CFAP53: variants seen among roughly 807,000 people sequenced by gnomAD.
CFAP53 encodes cilia and flagella associated protein 53.
CFAP53 carries 62 observed loss-of-function variants against 59.7 expected under a neutral mutation model. That is an observed-to-expected ratio of 1.04 (90% CI 0.85 to 1.28). The LOEUF (loss-of-function observed/expected upper bound fraction) is 1.28. Ranked by LOEUF, CFAP53 falls within the 50% of genes most tolerant of loss-of-function variation. The pLI, the probability that CFAP53 is intolerant of heterozygous loss-of-function variation, is 0.00. For missense variants in CFAP53, 629 were observed against 615.6 expected (o/e 1.02, Z -0.23); for synonymous variants, 218 against 205.7 (o/e 1.06, Z -0.51).
chr18:50,247,716 C>T (rs901033093), intron 5 of CFAP53, among the ~76,000 whole-genome samples: 3 of 152,160 alleles, frequency 2.0e-5, no homozygotes, highest in African/African-American at 7.2e-5. Flanking sequence ...CAACAGGTCA[C>T]ATAACATGTG....
rs879887819 is a variant in CFAP53, at chr18:50,245,976, C to T, written c.997-2860G>A. On this transcript the variant is annotated intron_variant, in intron 5 of 7. Coordinates refer to ENST00000398545, the MANE Select transcript of CFAP53 (RefSeq NM_145020.5). Reference sequence around the variant, plus strand: ...CACGATCTCAGCTCACTGCAACGTCCGCCTCCCGGATCAAGCGATTCTCCT... The same window carrying T: ...CACGATCTCAGCTCACTGCAACGTCTGCCTCCCGGATCAAGCGATTCTCCT... Among the ~76,000 whole-genome samples, 7 of 152,238 alleles carry T rather than the reference C, an allele frequency of 4.6e-5. No homozygotes were observed. In the South Asian group the frequency reaches 6.2e-4, roughly 14 times the overall value.
intron 6 of CFAP53, among the ~76,000 whole-genome samples, chr18:50,239,699 T>C (rs2033670142): frequency 6.6e-6 from 1 of 152,174 alleles, no homozygotes; most frequent in Non-Finnish European, 1.5e-5. Flanking sequence ...AATCTTATAA[T>C]TGACAAAAAA....
chr18:50,228,658 G>T (rs559751458), intron 7 of CFAP53, among the ~76,000 whole-genome samples: 2 of 152,104 alleles, frequency 1.3e-5, no homozygotes, highest in South Asian at 2.1e-4. Context: ...GGGCATGGTG[G>T]TACATGCCTG....
In CFAP53 at chr18:50,261,036, CTGTT is replaced by C. The variant is rs1225770307; in HGVS notation, c.473+24_473+27del. 2.5e-6 allele frequency: 4 copies of C among 1,581,400 alleles called. No homozygotes were observed. The African/African-American group carries it at 5.5e-5, about 22-fold the overall frequency. The stretch of plus-strand genomic sequence containing the variant: ...TATTTTAATGTACCAACTTTGGATT[CTGTT>C]TGTGTGTTTTCTGATTTCATTACCT... On this transcript the variant is annotated intron_variant, in intron 3 of 7. Transcript: ENST00000398545.
intron 5 of CFAP53, among the ~76,000 whole-genome samples, chr18:50,243,548 G>A (rs2033713473): frequency 1.3e-5 from 2 of 152,138 alleles, no homozygotes; most frequent in Admixed American, 6.5e-5. Context: ...AACAAAATAA[G>A]TTACTTCTAC....
chr18:50,261,661 G>A (rs778438119), intron 2 of CFAP53, among the ~76,000 whole-genome samples: 1 of 152,052 alleles, frequency 6.6e-6, no homozygotes, highest in African/African-American at 2.4e-5. Context: ...CAAAGTGGTA[G>A]GATTATAGGT....
In CFAP53 at chr18:50,242,948, G is replaced by A. The variant is rs1443487373; in HGVS notation, c.1165C>T (p.Leu389Phe). 2 of 1,613,756 alleles carry A rather than the reference G, an allele frequency of 1.2e-6. No individual in the cohort carries two copies. The highest frequency in any genetic ancestry group is 1.7e-6 in the Non-Finnish European group (2 of 1,180,016). Residue 389 changes from leucine to phenylalanine, a missense_variant, in exon 6 of 8, where the codon CTT (leucine) becomes TTT (phenylalanine). Coordinates refer to ENST00000398545, the MANE Select transcript of CFAP53 (RefSeq NM_145020.5). The stretch of plus-strand genomic sequence containing the variant: ...CTTGTACACATGACCTCATCCACAA[G>A]CTGTCTCCTTGCCTCCTTTTCAAGT... ...LRLEKEARRQ[L>F]VDEVMCTRKL...
chr18:50,251,653 G>A lies in CFAP53; in HGVS notation c.605C>T (p.Ser202Phe). The A allele has an allele frequency of 6.2e-7, 1 of 1,614,168 alleles. No homozygotes were observed. Among genetic ancestry groups the A allele is most frequent in the Non-Finnish European group, 8.5e-7 (1 of 1,180,038 alleles). Reference protein sequence around the residue: ...RQKLVEEQMFSKLWEEDRLAK... With the variant: ...RQKLVEEQMFFKLWEEDRLAK... ...TAATCGGTCTTCCTCCCAGAGTTTG[G>A]AGAACATCTGCTCTTCCACCAGCTT... The change falls in exon 4 of 8, where the codon TCC (serine) becomes TTC (phenylalanine). Residue 202 changes from serine to phenylalanine, a missense_variant. Coordinates refer to ENST00000398545, the MANE Select transcript of CFAP53 (RefSeq NM_145020.5).
chr18:50,229,374 T>C (rs1312826548), intron 7 of CFAP53, among the ~76,000 whole-genome samples: 1 of 152,228 alleles, frequency 6.6e-6, no homozygotes, highest in Non-Finnish European at 1.5e-5. Context: ...CTTAGCATAA[T>C]GTCCTCCAGG....
In CFAP53 at chr18:50,251,703, T is replaced by A. The variant is rs760828494; in HGVS notation, c.555A>T (p.Ala185=). The A allele has an allele frequency of 1.9e-5, 30 of 1,614,244 alleles. No individual in the cohort carries two copies. Among genetic ancestry groups the A allele is most frequent in the Non-Finnish European group, 2.5e-5 (30 of 1,180,042 alleles). Residue 185 remains alanine, a synonymous_variant, in exon 4 of 8, where the codon GCA becomes GCT. Coordinates refer to ENST00000398545, the MANE Select transcript of CFAP53 (RefSeq NM_145020.5). ...KVCEERKAQI[A]FNEELSRQKL... is the part of the protein sequence containing the mutation. ...TTTGCCTGCTCAGCTCCTCATTAAA[T>A]GCAATCTGTGCTTTCCGCTCCTCAC...
chr18:50,258,564 C>G (rs2033865017), intron 3 of CFAP53, among the ~76,000 whole-genome samples: 1 of 152,092 alleles, frequency 6.6e-6, no homozygotes, highest in Non-Finnish European at 1.5e-5. Context: ...TTGAGCAATA[C>G]CCTATAAGCA....
At chr18:50,251,920 CAA>C in intron 3 of CFAP53, 136 bp from the exon 4 acceptor site, 1 of 768,712 alleles carries the variant, frequency 1.3e-6, no homozygotes, top group Non-Finnish European at 2.1e-6. Context: ...GCACAGGAAA[CAA>C]GAGGGAGCAG....
intron 1 of CFAP53, 44 bp downstream of exon 1, chr18:50,266,292 G>C (rs772792444): frequency 6.3e-7 from 1 of 1,594,430 alleles, no homozygotes; most frequent in East Asian, 2.2e-5. Context: ...AGTGCGGAGA[G>C]ATGGAGAAAG....
At chr18:50,260,752 A>C (rs2033884464) in intron 3 of CFAP53, among the ~76,000 whole-genome samples, 1 of 152,164 alleles carries the variant, frequency 6.6e-6, no homozygotes, top group Non-Finnish European at 1.5e-5. Flanking sequence ...GCCCAACTTT[A>C]CCAAAGATTC....
chr18:50,256,331 C>G (rs1185677820), intron 3 of CFAP53: 2 of 152,170 alleles, frequency 1.3e-5, no homozygotes, highest in African/African-American at 4.8e-5. Context: ...GTCCAAATCC[C>G]ACTGAGGACA....
At chr18:50,230,056 C>T (rs75944806) in intron 7 of CFAP53, among the ~76,000 whole-genome samples, 2 of 152,082 alleles carry the variant, frequency 1.3e-5, no homozygotes, top group African/African-American at 4.8e-5. Context: ...CCATGCCTGG[C>T]CTCTTTGTAG....
At position 50,266,356 on chromosome 18, in the gene CFAP53, T is replaced by C; in HGVS notation, c.49A>G (p.Thr17Ala). 6.2e-7 allele frequency: 1 copy of C among 1,614,194 alleles called. No individual in the cohort carries two copies. Among genetic ancestry groups the C allele is most frequent in the Non-Finnish European group, 8.5e-7 (1 of 1,180,028 alleles). Reference sequence around the variant, plus strand: ...CTTACCACGATCACCACTTTGGGGGTGGGGCCCTTAACCTCCCGCTGTACG... The same window carrying C: ...CTTACCACGATCACCACTTTGGGGGCGGGGCCCTTAACCTCCCGCTGTACG... The part of the protein sequence containing the change: ...GTVQREVKGP[T>A]PKVVIVRSKP... The change falls in exon 1 of 8, where the codon ACC becomes GCC. Residue 17 changes from threonine (T) to alanine (A), a missense_variant. By Grantham distance (58) the Thr-to-Ala change is moderately conservative (BLOSUM62 0). Coordinates refer to ENST00000398545, the MANE Select transcript of CFAP53 (RefSeq NM_145020.5).
At chr18:50,236,810 C>T (rs2033638611) in intron 7 of CFAP53, among the ~76,000 whole-genome samples, 1 of 152,108 alleles carries the variant, frequency 6.6e-6, no homozygotes, top group Admixed American at 6.6e-5. Flanking sequence ...CTAGGTGAGC[C>T]GTGTTGACCC....
In CFAP53 at chr18:50,262,092, C is replaced by T. The variant is rs777253347; in HGVS notation, c.197G>A (p.Trp66Ter). ...SSERDRLKAE[W>*]DQHNDCKILD... ...AATCTTGCAGTCATTGTGCTGGTCC[C>T]ACTCAGCTTTCAAGCGATCCCGCTC... is the stretch of plus-strand genomic sequence containing the variant. Residue 66 changes from tryptophan to a stop codon, truncating the protein, a stop_gained, in exon 2 of 8, where the codon TGG becomes TAG. Transcript: ENST00000398545. LOFTEE classifies it high-confidence loss of function. 4 of 1,614,218 alleles carry T rather than the reference C, an allele frequency of 2.5e-6. No homozygotes were observed. In the Admixed American group the frequency reaches 5.0e-5, roughly 20 times the overall value.
Sources: allele counts gnomAD v4.1 joint callset (sites outside exome capture counted in the v4.1 genomes callset), GRCh38; gene constraint gnomAD v4.1.1; transcripts MANE v1.5; gene names NCBI Gene and HGNC (gene_info 2026-07-23, HGNC 2026-07-21).